Variants in GPC5 observed in about 807,000 individuals in gnomAD.
GPC5 encodes the protein glypican-5.
GPC5 carries 47 observed loss-of-function variants against 53.9 expected under a neutral mutation model. That is an observed-to-expected ratio of 0.87 (90% CI 0.69 to 1.11). The LOEUF is 1.11. GPC5 is among the 50% of genes most tolerant of loss of function. The pLI, the probability that GPC5 is intolerant of heterozygous loss-of-function variation, is 0.00. For missense variants in GPC5, 748 were observed against 713.1 expected (o/e 1.05, Z -0.56); for synonymous variants, 286 against 263.3 (o/e 1.09, Z -0.84).
intron 7 of GPC5, among the ~76,000 whole-genome samples, chr13:92,857,532 C>A (rs182038103): frequency 6.6e-6 from 1 of 152,104 alleles, no homozygotes; most frequent in Admixed American, 6.6e-5. Context: ...TAAACAGACA[C>A]CTTACATAAT....
chr13:91,763,155 G>T (rs969056309), intron 5 of GPC5, among the ~76,000 whole-genome samples: 1 of 152,064 alleles, frequency 6.6e-6, no homozygotes, highest in African/African-American at 2.4e-5. Flanking sequence ...TGGTGATAAC[G>T]CTCTGATGGG....
In GPC5 at chr13:92,708,857, C is replaced by CTTTTTTTTTT. The variant is rs752130758; in HGVS notation, c.1562-157391_1562-157382dup. On this transcript the variant is annotated intron_variant, in intron 7 of 7. Coordinates refer to ENST00000377067, the MANE Select transcript of GPC5 (RefSeq NM_004466.6). Reference sequence around the variant, plus strand: ...CTAGCAGCATCTAGCTGGAAACCGCCTTTTTTTTTTTTTTTTTTTTTTTTT... The same window carrying CTTTTTTTTTT: ...CTAGCAGCATCTAGCTGGAAACCGCCTTTTTTTTTTTTTTTTTTTTTTTTTTTTTTTTTTT... Among the ~76,000 whole-genome samples the CTTTTTTTTTT allele has an allele frequency of 3.7e-3, 176 of 48,184 alleles. 60 individuals are homozygous for CTTTTTTTTTT. Among genetic ancestry groups the CTTTTTTTTTT allele is most frequent in the Non-Finnish European group, 6.5e-3 (157 of 24,284 alleles). 31.6% of individuals were successfully genotyped at this position (48,184 alleles called of 152,430 possible). A position where few individuals can be genotyped will look rare whatever the true frequency, so the allele number is the denominator to read the frequency against.
chr13:92,553,111 A>T lies in GPC5; in HGVS notation c.1562-313171A>T, dbSNP rs867405835. Among the ~76,000 whole-genome samples, 21 of 152,004 alleles carry T rather than the reference A, an allele frequency of 1.4e-4. 1 individual carries two copies. The Middle Eastern group carries it at 0.02, about 148-fold the overall frequency. Reference sequence around the variant, plus strand: ...CATAAGGCCAAAATTTGCATAATTGATGTTACCATTTTTATTTCTGCTATT... The same window carrying T: ...CATAAGGCCAAAATTTGCATAATTGTTGTTACCATTTTTATTTCTGCTATT... On this transcript the variant is annotated intron_variant, in intron 7 of 7. Coordinates refer to ENST00000377067, the MANE Select transcript of GPC5 (RefSeq NM_004466.6).
intron 7 of GPC5, among the ~76,000 whole-genome samples, chr13:92,521,203 A>C (rs1186083495): frequency 1.3e-5 from 2 of 152,220 alleles, no homozygotes; most frequent in African/African-American, 4.8e-5. Context: ...CATACTGCCC[A>C]AGGTAATTTA....
intron 2 of GPC5, among the ~76,000 whole-genome samples, chr13:91,614,019 G>A (rs1010178854): frequency 6.6e-6 from 1 of 152,214 alleles, no homozygotes; most frequent in Admixed American, 6.5e-5. Flanking sequence ...AGAGTGAGTG[G>A]ATATCGAATA....
intron 7 of GPC5, among the ~76,000 whole-genome samples, chr13:92,285,836 G>A (rs187695086): frequency 9.9e-4 from 151 of 152,190 alleles, no homozygotes; most frequent in African/African-American, 3.2e-3. Flanking sequence ...CATGGGCAAG[G>A]ACTTCATGTT....
chr13:91,579,745 C>T (rs1463365956), intron 2 of GPC5, among the ~76,000 whole-genome samples: 4 of 148,618 alleles, frequency 2.7e-5, no homozygotes, highest in Admixed American at 2.0e-4. Context: ...TCTCCTGCCT[C>T]AGCCTCCCAA....
intron 2 of GPC5, among the ~76,000 whole-genome samples, chr13:91,676,942 T>C (rs998656565): frequency 2.6e-5 from 4 of 152,316 alleles, no homozygotes; most frequent in Admixed American, 1.3e-4. Context: ...ATCTGTATGT[T>C]TGCCTAAAAC....
At position 92,842,727 on chromosome 13, in the gene GPC5, G is replaced by C. The variant is rs192415145; in HGVS notation, c.1562-23555G>C. Among the ~76,000 whole-genome samples the C allele has an allele frequency of 4.0e-5, 6 of 150,224 alleles. No individual in the cohort carries two copies. The East Asian group carries it at 1.2e-3, about 29-fold the overall frequency. On this transcript the variant is annotated intron_variant, in intron 7 of 7. Transcript: ENST00000377067. ...TGAATTAGGGTCACACAAAACAAGA[G>C]AGCCAGGACTAAAACAATTAGAAAA...
At chr13:92,355,426 C>A (rs747487124) in intron 7 of GPC5, among the ~76,000 whole-genome samples, 3 of 152,172 alleles carry the variant, frequency 2.0e-5, no homozygotes, top group Non-Finnish European at 4.4e-5. Flanking sequence ...TTCCCAACCA[C>A]CAGCCTGGAG....
chr13:92,744,607 A>T (rs1889195722), intron 7 of GPC5, among the ~76,000 whole-genome samples: 1 of 152,068 alleles, frequency 6.6e-6, no homozygotes, highest in Non-Finnish European at 1.5e-5. Flanking sequence ...TAGGATAATG[A>T]GCAAAACTGG....
chr13:91,568,765 T>A, intron 2 of GPC5, among the ~76,000 whole-genome samples: 1 of 151,372 alleles, frequency 6.6e-6, no homozygotes, highest in Non-Finnish European at 1.5e-5. Flanking sequence ...TTTCTTTTTT[T>A]TTTTTTTCAG....
At chr13:92,124,203 A>G (rs9556150) in intron 6 of GPC5, among the ~76,000 whole-genome samples, 66,813 of 143,866 alleles carry the variant, frequency 0.46, 15,899 homozygotes, top group African/African-American at 0.53. Context: ...CCCTGCAATA[A>G]TCTGCCAGAA....
At chr13:92,674,236 T>C (rs1324708301) in intron 7 of GPC5, among the ~76,000 whole-genome samples, 1 of 152,192 alleles carries the variant, frequency 6.6e-6, no homozygotes, top group Non-Finnish European at 1.5e-5. Flanking sequence ...GTTCATCTAA[T>C]GCTTGTAACA....
intron 2 of GPC5, among the ~76,000 whole-genome samples, chr13:91,516,651 C>T (rs1885515433): frequency 6.6e-6 from 1 of 152,208 alleles, no homozygotes; most frequent in Admixed American, 6.5e-5. Flanking sequence ...CTTTTCAGAG[C>T]TACACTAGGG....
chr13:92,162,640 T>G (rs550743902), intron 7 of GPC5, among the ~76,000 whole-genome samples: 46 of 152,320 alleles, frequency 3.0e-4, no homozygotes, highest in South Asian at 6.2e-4. Flanking sequence ...TCTTGGGATC[T>G]ACATGAAATT....
intron 5 of GPC5, among the ~76,000 whole-genome samples, chr13:91,856,260 G>C (rs761630888): frequency 1.1e-4 from 16 of 151,478 alleles, no homozygotes; most frequent in Non-Finnish European, 2.4e-4. Context: ...CAAAGTTTCT[G>C]CTACTTTCAG....
chr13:92,857,561 C>A (rs954510501), intron 7 of GPC5, among the ~76,000 whole-genome samples: 3 of 152,012 alleles, frequency 2.0e-5, no homozygotes, highest in Non-Finnish European at 4.4e-5. Flanking sequence ...ATATTTACAA[C>A]CTATGCATCT....
intron 2 of GPC5, among the ~76,000 whole-genome samples, chr13:91,545,170 G>A (rs908294934): frequency 1.3e-5 from 2 of 152,192 alleles, no homozygotes; most frequent in African/African-American, 4.8e-5. Flanking sequence ...TTCAATGGCA[G>A]AGGATTAGTC....
Sources: allele counts gnomAD v4.1 joint callset (sites outside exome capture counted in the v4.1 genomes callset), GRCh38; gene constraint gnomAD v4.1.1; transcripts MANE v1.5; gene names NCBI Gene and HGNC (gene_info 2026-07-23, HGNC 2026-07-21).